Variants in RIMS2 observed in about 807,000 individuals in gnomAD.
RIMS2 encodes the protein regulating synaptic membrane exocytosis protein 2.
In RIMS2, 59 loss-of-function variants were observed where a neutral mutation model predicts 174.4. The ratio of observed to expected loss-of-function variants is 0.34; its 90% CI spans 0.27 to 0.42. RIMS2 has a LOEUF of 0.42. Ranked by LOEUF, RIMS2 falls within the 10% of genes least tolerant of loss-of-function variation. RIMS2 has a pLI of 1.00. For missense variants in RIMS2, 1,620 were observed against 1,666.3 expected, an observed-to-expected ratio of 0.97 and a Z score of 0.48; for synonymous variants, 606 against 572.5, an observed-to-expected ratio of 1.06 and a Z score of -0.84.
chr8:103,991,995 T>G (rs936293900), intron 17 of RIMS2, among the ~76,000 whole-genome samples: 5 of 152,208 alleles, frequency 3.3e-5, no homozygotes, highest in Non-Finnish European at 5.9e-5. Flanking sequence ...TGCTTTAACC[T>G]TACCATTTTA....
chr8:104,109,070 G>C (rs766553015), intron 19 of RIMS2, among the ~76,000 whole-genome samples: 1 of 152,002 alleles, frequency 6.6e-6, no homozygotes, highest in South Asian at 2.1e-4. Flanking sequence ...GGCCGAGGCG[G>C]ACAGATCAAT....
intron 2 of RIMS2, among the ~76,000 whole-genome samples, chr8:103,713,900 T>G (rs1422325859): frequency 1.3e-5 from 2 of 152,188 alleles, no homozygotes; most frequent in African/African-American, 4.8e-5. Context: ...TCTGCCTTTT[T>G]TTCTTTCTTC....
At chr8:103,936,762 T>A in intron 13 of RIMS2, 40 bp downstream of exon 15, 6 of 1,394,064 alleles carry the variant, frequency 4.3e-6, no homozygotes, top group Non-Finnish European at 5.9e-6. Context: ...ATTCATGTTA[T>A]CCTGAATACT....
chr8:104,169,304 CTATATATATA>C (rs751636552), intron 19 of RIMS2, among the ~76,000 whole-genome samples: 6 of 87,544 alleles, frequency 6.9e-5, no homozygotes, highest in Non-Finnish European at 1.3e-4. Context: ...TTGTTGTTGG[CTATATATATA>C]TATATATATA....
At chr8:104,056,918 A>T (rs920919830) in intron 19 of RIMS2, among the ~76,000 whole-genome samples, 2 of 152,088 alleles carry the variant, frequency 1.3e-5, no homozygotes, top group African/African-American at 4.8e-5. Context: ...TTTAATCCTA[A>T]GTATCCTAAA....
chr8:104,139,747 C>G (rs760423466), intron 19 of RIMS2, among the ~76,000 whole-genome samples: 11 of 151,992 alleles, frequency 7.2e-5, no homozygotes, highest in Non-Finnish European at 1.6e-4. Flanking sequence ...TTTGGATGCC[C>G]TTTGTTTATT....
intron 19 of RIMS2, among the ~76,000 whole-genome samples, chr8:104,209,681 A>T (rs1391718884): frequency 6.6e-6 from 1 of 152,156 alleles, no homozygotes; most frequent in Admixed American, 6.5e-5. Flanking sequence ...AATGTGCCTG[A>T]AGTACTTAAG....
At chr8:103,788,946 G>A (rs1215845748) in intron 3 of RIMS2, among the ~76,000 whole-genome samples, 3 of 152,228 alleles carry the variant, frequency 2.0e-5, no homozygotes, top group African/African-American at 7.2e-5. Flanking sequence ...TGGACCCTCT[G>A]AGCCAGGTGC....
chr8:103,693,347 G>A (rs915016207), intron 1 of RIMS2, among the ~76,000 whole-genome samples: 7 of 152,184 alleles, frequency 4.6e-5, no homozygotes, highest in African/African-American at 1.7e-4. Context: ...ACGAGGTACT[G>A]TAATTGCTCA....
At chr8:103,789,262 G>A (rs751191382) in intron 3 of RIMS2, among the ~76,000 whole-genome samples, 2 of 151,934 alleles carry the variant, frequency 1.3e-5, no homozygotes, top group Non-Finnish European at 2.9e-5. Flanking sequence ...CTGTAGACCG[G>A]AGCTGTTCCT....
chr8:103,632,391 T>C (rs943256401), intron 1 of RIMS2, among the ~76,000 whole-genome samples: 1 of 152,232 alleles, frequency 6.6e-6, no homozygotes, highest in Non-Finnish European at 1.5e-5. Context: ...TGTTTTTTTG[T>C]CTTCAGTTCA....
intron 19 of RIMS2, among the ~76,000 whole-genome samples, chr8:104,156,586 A>T (rs1369039780): frequency 6.6e-6 from 1 of 152,246 alleles, no homozygotes. Context: ...GCAAATATTT[A>T]TTGAATTTTA....
intron 19 of RIMS2, among the ~76,000 whole-genome samples, chr8:104,181,307 T>G (rs764163226): frequency 6.6e-6 from 1 of 151,626 alleles, no homozygotes; most frequent in Non-Finnish European, 1.5e-5. Flanking sequence ...TGTGTTTTTA[T>G]GAAAAGATAC....
intron 1 of RIMS2, among the ~76,000 whole-genome samples, chr8:103,650,564 C>G (rs559910709): frequency 1.3e-5 from 2 of 152,200 alleles, no homozygotes. Flanking sequence ...GGAGCTTCAT[C>G]CCTGAGAAAG....
rs755717596 is a variant in RIMS2, at chr8:103,697,140, A to G, written c.231A>G (p.Glu77=). Reference sequence around the variant, plus strand: ...AAGAGCAGGTAAAGAAGATGGGAGAAGAATCACAGCAACAGCAAGAACAGA... The same window carrying G: ...AAGAGCAGGTAAAGAAGATGGGAGAGGAATCACAGCAACAGCAAGAACAGA... The change falls in exon 2 of 24, where the codon GAA becomes GAG. Residue 77 remains glutamate, a synonymous_variant. Transcript: ENST00000504942. The G allele has an allele frequency of 2.3e-5, 37 of 1,613,698 alleles. No individual in the cohort carries two copies. The South Asian group carries it at 4.0e-4, about 17-fold the overall frequency.
chr8:104,038,304 G>C (rs1051054069), intron 19 of RIMS2, among the ~76,000 whole-genome samples: 3 of 151,752 alleles, frequency 2.0e-5, no homozygotes, highest in Admixed American at 6.6e-5. Flanking sequence ...TACCGCACTT[G>C]TTTTTGTTTT....
At chr8:104,093,243 C>A (rs2097693958) in intron 19 of RIMS2, among the ~76,000 whole-genome samples, 1 of 151,870 alleles carries the variant, frequency 6.6e-6, no homozygotes, top group South Asian at 2.1e-4. Context: ...ATGGCCTTCA[C>A]TGGGGTGTGG....
chr8:104,160,588 T>C (rs2098755109), intron 19 of RIMS2, among the ~76,000 whole-genome samples: 1 of 152,234 alleles, frequency 6.6e-6, no homozygotes, highest in Non-Finnish European at 1.5e-5. Context: ...TATCTTGCGT[T>C]ATCCCTTTCC....
At chr8:103,941,650 A>G (rs982590498) in intron 13 of RIMS2, among the ~76,000 whole-genome samples, 1 of 152,182 alleles carries the variant, frequency 6.6e-6, no homozygotes, top group African/African-American at 2.4e-5. Context: ...ATTTCTACAG[A>G]CTTACATTTT....
Sources: allele counts gnomAD v4.1 joint callset (sites outside exome capture counted in the v4.1 genomes callset), GRCh38; gene constraint gnomAD v4.1.1; transcripts MANE v1.5; gene names NCBI Gene and HGNC (gene_info 2026-07-23, HGNC 2026-07-21).